NECTIN1: variants seen among roughly 807,000 people sequenced by gnomAD.
NECTIN1 encodes the protein nectin cell adhesion molecule 1.
NECTIN1 carries 23 observed loss-of-function variants against 48.0 expected under a neutral mutation model. That is an observed-to-expected ratio of 0.48 (90% CI 0.34 to 0.68). The LOEUF (loss-of-function observed/expected upper bound fraction) is 0.68. Among genes scored for constraint, NECTIN1 ranks in the 30% least tolerant of loss-of-function variants. The probability of loss-of-function intolerance (pLI) is 0.01; values close to 1 mark genes in which losing one functional copy is unlikely to be tolerated. For synonymous variants in NECTIN1, 270 were observed against 288.9 expected, an observed-to-expected ratio of 0.93 and a Z score of 0.66; for missense variants, 591 against 709.9, an observed-to-expected ratio of 0.83 and a Z score of 1.90.
intron 1 of NECTIN1, among the ~76,000 whole-genome samples, chr11:119,719,524 G>C (rs1865794579): frequency 6.6e-6 from 1 of 152,168 alleles, no homozygotes; most frequent in Non-Finnish European, 1.5e-5. Context: ...TATAAAACTG[G>C]GGAGAACAGA....
Position 119,664,629 on chromosome 11 carries a change from T to C in NECTIN1, c.*118A>G. On this transcript the variant is annotated 3_prime_UTR_variant, in exon 6 of 6. Transcript: ENST00000264025. ...GGCCCCCCAGGAGTTCGGGGCTGGC[T>C]TTGGGCAGCTGGGCAAGTCTCTGTT... The C allele has an allele frequency of 2.8e-6, 4 of 1,447,484 alleles. No individual in the cohort carries two copies. Among genetic ancestry groups the C allele is most frequent in the Non-Finnish European group, 3.6e-6 (4 of 1,098,222 alleles). The allele number at this position is 1,447,484 out of a possible 1,614,324, so 89.7% of individuals were successfully genotyped here.
Position 119,678,636 on chromosome 11 carries a change from G to A in NECTIN1, c.209C>T (p.Ser70Phe), listed in dbSNP as rs779628582. ...VKITQVTWQK[S>F]TNGSKQNVAI... ...CACGTTCTGCTTGGAGCCATTGGTG[G>A]ACTTCTGCCATGTGACCTGGGTGAT... Residue 70 changes from serine to phenylalanine, a missense_variant, in exon 2 of 6, where the codon TCC becomes TTC. By Grantham distance (155) the Ser-to-Phe change is radical. Transcript: ENST00000264025. The surrounding 1 kb of genome is among the most constrained non-coding windows in gnomAD (Gnocchi z 4.4). The A allele has an allele frequency of 2.5e-6, 4 of 1,614,024 alleles. No homozygotes were observed. The highest frequency in any genetic ancestry group is 3.4e-6 in the Non-Finnish European group (4 of 1,180,036).
At chr11:119,697,826 AG>A (rs1865368580) in intron 1 of NECTIN1, among the ~76,000 whole-genome samples, 1 of 152,186 alleles carries the variant, frequency 6.6e-6, no homozygotes, top group African/African-American at 2.4e-5. Flanking sequence ...CCAGCTTTCT[AG>A]GCAGGCAGTG....
At chr11:119,723,712 C>T (rs1234513652) in intron 1 of NECTIN1, among the ~76,000 whole-genome samples, 2 of 152,160 alleles carry the variant, frequency 1.3e-5, no homozygotes, top group Non-Finnish European at 2.9e-5. Flanking sequence ...TCCCTTTCTC[C>T]ATCTCCTAGC....
At chr11:119,656,104 C>T (rs991667522), downstream of NECTIN1, among the ~76,000 whole-genome samples, 3 of 152,224 alleles carry the variant, frequency 2.0e-5, no homozygotes, top group South Asian at 6.2e-4. Context: ...CTATGTCACT[C>T]AGGCTAGTTT....
chr11:119,719,886 C>A (rs1467147645), intron 1 of NECTIN1, among the ~76,000 whole-genome samples: 1 of 152,046 alleles, frequency 6.6e-6, no homozygotes, highest in African/African-American at 2.4e-5. Flanking sequence ...GCGGGGGGAG[C>A]GGGTCATGAA....
rs1864713374 is a variant in NECTIN1 at position 119,663,912 on chromosome 11, A to G, written c.*835T>C. 1.2e-5 allele frequency: 12 copies of G among 986,286 alleles called. No homozygotes were observed. The South Asian group carries it at 3.3e-4, about 27-fold the overall frequency. The allele number at this position is 986,286 out of a possible 1,614,324, so 61.1% of individuals were successfully genotyped here. On this transcript the variant is annotated 3_prime_UTR_variant, in exon 6 of 6. Coordinates refer to ENST00000264025, the MANE Select transcript of NECTIN1 (RefSeq NM_002855.5). ...GTGTCTGGATGGGGCAGGGCATGGG[A>G]CTCCAGGGGAAAGCAGGCAGAGAGG...
rs1447047468 is a variant in NECTIN1, at chr11:119,728,745, C to G, written c.-192G>C. The stretch of plus-strand genomic sequence containing the variant: ...GGCCGCAGTCCGGGCCCCGGGCCGC[C>G]GCCGGCTCAGAGGCTCGGCAGATGC... On this transcript the variant is annotated 5_prime_UTR_variant, in exon 1 of 6. Transcript: ENST00000264025. The G allele has an allele frequency of 2.2e-6, 1 of 453,696 alleles. No homozygotes were observed. The highest frequency in any genetic ancestry group is 3.9e-6 in the Non-Finnish European group (1 of 257,898). 28.1% of individuals were successfully genotyped at this position (453,696 alleles called of 1,614,324 possible).
At position 119,664,266 on chromosome 11, in the gene NECTIN1, G is replaced by A. The variant is rs148928883; in HGVS notation, c.*481C>T. ...CCCAGCTGCATCAGATTTCACTGGT[G>A]GGTGTTGGGTTCCCTCTAGCCGGGA... On this transcript the variant is annotated 3_prime_UTR_variant, in exon 6 of 6. Coordinates refer to ENST00000264025, the MANE Select transcript of NECTIN1 (RefSeq NM_002855.5). 4.6e-3 allele frequency: 4,611 copies of A among 993,220 alleles called. 16 individuals carry two copies. Among genetic ancestry groups the A allele is most frequent in the Non-Finnish European group, 5.2e-3 (4,319 of 834,546 alleles). The allele number at this position is 993,220 out of a possible 1,614,324, so 61.5% of individuals were successfully genotyped here. A position where few individuals can be genotyped will look rare whatever the true frequency, so the allele number is the denominator to read the frequency against.
chr11:119,670,158 C>A (rs943746429), intron 5 of NECTIN1, among the ~76,000 whole-genome samples: 1 of 152,096 alleles, frequency 6.6e-6, no homozygotes, highest in Non-Finnish European at 1.5e-5. Flanking sequence ...GGGGATTTCA[C>A]CATGTTGGCC....
Position 119,663,643 on chromosome 11 carries a change from G to C in NECTIN1, c.*1104C>G, listed in dbSNP as rs1864708584. On this transcript the variant is annotated 3_prime_UTR_variant, in exon 6 of 6. Coordinates refer to ENST00000264025, the MANE Select transcript of NECTIN1 (RefSeq NM_002855.5). ...TCCGTGTGGATGCTTCTTTACCTCT[G>C]ACTCCTGCAGGTGGATCCCCCTGGG... 8.1e-6 allele frequency: 8 copies of C among 985,564 alleles called. No individual in the cohort carries two copies. Among genetic ancestry groups the C allele is most frequent in the Non-Finnish European group, 9.6e-6 (8 of 829,972 alleles). The allele number at this position is 985,564 out of a possible 1,614,324, so 61.1% of individuals were successfully genotyped here.
intron 1 of NECTIN1, among the ~76,000 whole-genome samples, chr11:119,700,911 G>A (rs1481344096): frequency 1.3e-5 from 2 of 152,166 alleles, no homozygotes; most frequent in African/African-American, 4.8e-5. Flanking sequence ...CAGTAGCACT[G>A]GAGCTTCTGT....
At chr11:119,641,753 C>T (rs1864328078) in intron 5 of NECTIN1, 3 of 151,860 alleles carry the variant, frequency 2.0e-5, no homozygotes, top group South Asian at 2.1e-4. Flanking sequence ...GACGGAGTCT[C>T]ACTCTGTCGC....
chr11:119,721,288 G>T (rs989406672), intron 1 of NECTIN1, among the ~76,000 whole-genome samples: 1 of 152,216 alleles, frequency 6.6e-6, no homozygotes. Flanking sequence ...CATCCAAGTG[G>T]GTGGGCAGGA....
chr11:119,657,998 G>C (rs1025986055), downstream of NECTIN1, among the ~76,000 whole-genome samples: 1 of 151,480 alleles, frequency 6.6e-6, no homozygotes, highest in Non-Finnish European at 1.5e-5. Context: ...GCGTGGGGCA[G>C]GGCCTGATTT....
intron 1 of NECTIN1, among the ~76,000 whole-genome samples, chr11:119,710,977 AAATGAGATGGGAG>A (rs1205365431): frequency 6.6e-6 from 1 of 152,156 alleles, no homozygotes; most frequent in Non-Finnish European, 1.5e-5. Flanking sequence ...ACTGCAAACA[AAATGAGATGGGAG>A]GGGAGGTGTC....
At chr11:119,681,749 A>G (rs1224883937) in intron 1 of NECTIN1, among the ~76,000 whole-genome samples, 1 of 152,070 alleles carries the variant, frequency 6.6e-6, no homozygotes, top group Admixed American at 6.5e-5. Flanking sequence ...CATGGTGGGG[A>G]AGTGAAGGAC....
intron 5 of NECTIN1, chr11:119,674,671 G>C: frequency 6.2e-7 from 1 of 1,614,176 alleles, no homozygotes; most frequent in Non-Finnish European, 8.5e-7. Flanking sequence ...TCAGTTGCAG[G>C]GCACACAAAG....
At chr11:119,667,394 A>C (rs774503122) in intron 5 of NECTIN1, among the ~76,000 whole-genome samples, 10 of 152,180 alleles carry the variant, frequency 6.6e-5, no homozygotes, top group Non-Finnish European at 1.5e-4. Context: ...CTATCCTGCT[A>C]GTCACGGGAT....
Sources: gnomAD v4.1 joint callset for allele counts (sites outside exome capture counted in the v4.1 genomes callset) on GRCh38, gnomAD v4.1.1 for gene constraint, Gnocchi (gnomAD v3.1) non-coding constraint, MANE v1.5 for transcripts, NCBI Gene and HGNC (gene_info 2026-07-23, HGNC 2026-07-21) for gene names.